Variants in ST3GAL1 observed in about 807,000 individuals in gnomAD.
ST3GAL1 encodes the protein CMP-N-acetylneuraminate-beta-galactosamide-alpha-2,3-sialyltransferase 1.
A neutral mutation model predicts 34.1 loss-of-function variants in ST3GAL1; 16 were observed. That is an observed-to-expected ratio of 0.47 (90% CI 0.32 to 0.71). The LOEUF is 0.71. ST3GAL1 is among the 30% of genes least tolerant of loss of function. The pLI is 0.04. For missense variants in ST3GAL1, 353 were observed against 447.4 expected (o/e 0.79, Z 1.90); for synonymous variants, 191 against 184.7 (o/e 1.03, Z -0.28).
At chr8:133,566,225 A>G (rs1394965172) in intron 1 of ST3GAL1, among the ~76,000 whole-genome samples, 1 of 152,218 alleles carries the variant, frequency 6.6e-6, no homozygotes, top group African/African-American at 2.4e-5. Context: ...CACAACCCAT[A>G]GGAATGAGAG....
rs969063081 is a variant in ST3GAL1, at chr8:133,570,300, C to G, written c.-582+1393G>C. The G allele has an allele frequency of 3.9e-5, 6 of 152,290 alleles. No homozygotes were observed. The highest frequency in any genetic ancestry group is 1.4e-4 in the African/African-American group (6 of 41,480). 9.4% of individuals were successfully genotyped at this position (152,290 alleles called of 1,614,324 possible). A position where few individuals can be genotyped will look rare whatever the true frequency, so the allele number is the denominator to read the frequency against. ...GAGGCCAGGGGTGCCCGGAAACAAT[C>G]ACGAGAAAGCCGGGCGAATGCCTGA... On this transcript the variant is annotated intron_variant, in intron 1 of 9. Transcript: ENST00000522652. The surrounding 1 kb of genome is among the most constrained non-coding windows in gnomAD (Gnocchi z 5.6).
At chr8:133,497,534 A>G (rs893989197) in intron 3 of ST3GAL1, among the ~76,000 whole-genome samples, 1 of 130,530 alleles carries the variant, frequency 7.7e-6, no homozygotes, top group Non-Finnish European at 1.5e-5. Flanking sequence ...GCACGGGCGC[A>G]ATCTCGGCTA....
At chr8:133,518,540 A>C (rs1232986424) in intron 2 of ST3GAL1, among the ~76,000 whole-genome samples, 1 of 152,250 alleles carries the variant, frequency 6.6e-6, no homozygotes, top group East Asian at 1.9e-4. Flanking sequence ...AATCTTATCC[A>C]GCGAGACTGA....
intron 2 of ST3GAL1, among the ~76,000 whole-genome samples, chr8:133,520,426 A>G (rs1817769510): frequency 1.3e-5 from 2 of 152,278 alleles, no homozygotes; most frequent in South Asian, 2.1e-4. Context: ...TCCACTTTCA[A>G]CTGAAACAAT....
At chr8:133,539,982 A>G (rs1372578942) in intron 2 of ST3GAL1, among the ~76,000 whole-genome samples, 2 of 152,226 alleles carry the variant, frequency 1.3e-5, no homozygotes, top group South Asian at 4.1e-4. Flanking sequence ...TTTTACCTCC[A>G]GTGCTCAGCC....
Position 133,475,868 on chromosome 8 carries a change from G to A in ST3GAL1, c.157C>T (p.Leu53=), listed in dbSNP as rs2130944439. 1 of 1,614,134 alleles carries A rather than the reference G, an allele frequency of 6.2e-7. No homozygotes were observed. Among genetic ancestry groups the A allele is most frequent in the Non-Finnish European group, 8.5e-7 (1 of 1,180,020 alleles). ...CAGGTGCAAGGCCTGTGCTTGATCA[G>A]TCTCTTCAGGTTCTCGGAGAGCTCC... ...VLELSENLKR[L]IKHRPCTCTH... is the part of the protein sequence containing the mutation. Residue 53 remains leucine (L), a synonymous_variant, in exon 5 of 10, where the codon CTG becomes TTG. Transcript: ENST00000522652.
intron 5 of ST3GAL1, among the ~76,000 whole-genome samples, chr8:133,470,391 C>G (rs1466541738): frequency 6.6e-6 from 1 of 151,830 alleles, no homozygotes; most frequent in Non-Finnish European, 1.5e-5. Context: ...TGCACTCCAG[C>G]CTGGGCAACA....
intron 1 of ST3GAL1, among the ~76,000 whole-genome samples, chr8:133,554,086 T>C (rs1436682428): frequency 2.0e-5 from 3 of 152,198 alleles, no homozygotes; most frequent in Non-Finnish European, 2.9e-5. Flanking sequence ...CTGATTCTCA[T>C]CAAAGGTGGA....
In ST3GAL1 at chr8:133,475,767, C is replaced by T. The variant is rs1207575337; in HGVS notation, c.258G>A (p.Leu86=). Residue 86 remains leucine, a synonymous_variant, in exon 5 of 10, where the codon CTG becomes CTA. Coordinates refer to ENST00000522652, the MANE Select transcript of ST3GAL1 (RefSeq NM_173344.3). ...CCTCCAAGAGCGCGTTCTGGGCGGT[C>T]AGCAGCGGCTGCATGGTCTGGTTGA... The part of the protein sequence containing the change: ...ERFNQTMQPL[L]TAQNALLEDD... 2.5e-6 allele frequency: 4 copies of T among 1,612,812 alleles called. No homozygotes were observed. The highest frequency in any genetic ancestry group is 2.5e-6 in the Non-Finnish European group (3 of 1,179,386).
chr8:133,496,649 C>A (rs1480185872), intron 3 of ST3GAL1, among the ~76,000 whole-genome samples: 1 of 152,170 alleles, frequency 6.6e-6, no homozygotes, highest in Non-Finnish European at 1.5e-5. Flanking sequence ...ACCACAGCAC[C>A]TGAGGAGACA....
chr8:133,465,936 G>C lies in ST3GAL1; in HGVS notation c.461C>G (p.Ser154Cys). ...VVGNSGNLRE[S>C]SYGPEIDSHD... ...ACTGTCTATCTCAGGCCCATAAGAA[G>C]ACTCCCTCAGGTTGCCCGAGTTGCC... The change falls in exon 6 of 10, where the codon TCT becomes TGT. Residue 154 changes from serine (S) to cysteine (C), a missense_variant. Physicochemically the swap from Ser to Cys is moderately radical, Grantham distance 112. Coordinates refer to ENST00000522652, the MANE Select transcript of ST3GAL1 (RefSeq NM_173344.3). 6.2e-7 allele frequency: 1 copy of C among 1,614,130 alleles called. No individual in the cohort carries two copies. Among genetic ancestry groups the C allele is most frequent in the Middle Eastern group, 1.6e-4 (1 of 6,062 alleles).
At chr8:133,555,711 C>T (rs1421101343) in intron 1 of ST3GAL1, among the ~76,000 whole-genome samples, 2 of 152,180 alleles carry the variant, frequency 1.3e-5, no homozygotes, top group Non-Finnish European at 2.9e-5. Context: ...CCTCCAATCA[C>T]AGGAGTCGGC....
chr8:133,520,419 A>T (rs1817769294), intron 2 of ST3GAL1, among the ~76,000 whole-genome samples: 1 of 152,134 alleles, frequency 6.6e-6, no homozygotes, highest in Non-Finnish European at 1.5e-5. Context: ...TAGTTGTTCC[A>T]CTTTCAACTG....
At chr8:133,491,227 A>C (rs1005423523) in intron 3 of ST3GAL1, among the ~76,000 whole-genome samples, 1 of 152,124 alleles carries the variant, frequency 6.6e-6, no homozygotes, top group Admixed American at 6.5e-5. Context: ...TTAAATCCAC[A>C]AATCTTCTTA....
intron 3 of ST3GAL1, among the ~76,000 whole-genome samples, chr8:133,486,453 C>G (rs1022163104): frequency 1.3e-5 from 2 of 152,196 alleles, no homozygotes; most frequent in African/African-American, 4.8e-5. Context: ...GCTCTCATGG[C>G]CGAGCCAGGC....
At chr8:133,569,762 C>A (rs1819509932) in intron 1 of ST3GAL1, among the ~76,000 whole-genome samples, 1 of 152,124 alleles carries the variant, frequency 6.6e-6, no homozygotes, top group Admixed American at 6.5e-5. Context: ...CAGAGACAAG[C>A]GGCAGTTTCC....
rs559516277 is a variant in ST3GAL1 at position 133,548,219 on chromosome 8, C to T, written c.-581-2293G>A. On this transcript the variant is annotated intron_variant, in intron 1 of 9. Transcript: ENST00000522652. ...TCCTAGCCAGTCTTAAAATAGCCATCGCCTCTAATGCCAACTCCCTCTCTT... is the reference window on the plus strand; with the variant it reads ...TCCTAGCCAGTCTTAAAATAGCCATTGCCTCTAATGCCAACTCCCTCTCTT... Among the ~76,000 whole-genome samples the T allele has an allele frequency of 5.9e-5, 9 of 152,294 alleles. No individual in the cohort carries two copies. The South Asian group carries it at 6.2e-4, about 11-fold the overall frequency.
intron 1 of ST3GAL1, among the ~76,000 whole-genome samples, chr8:133,562,037 T>C (rs1819239479): frequency 2.0e-5 from 3 of 151,650 alleles, no homozygotes; most frequent in Non-Finnish European, 1.5e-5. Flanking sequence ...GCCAAGATCA[T>C]ATACTGCACT....
intron 2 of ST3GAL1, among the ~76,000 whole-genome samples, chr8:133,538,070 C>T (rs963345317): frequency 2.0e-5 from 3 of 152,148 alleles, no homozygotes; most frequent in African/African-American, 7.2e-5. Flanking sequence ...GGAGGGCTTC[C>T]GAAAGATCTC....
Sources: gnomAD v4.1 joint callset for allele counts (sites outside exome capture counted in the v4.1 genomes callset) on GRCh38, gnomAD v4.1.1 for gene constraint, Gnocchi (gnomAD v3.1) non-coding constraint, MANE v1.5 for transcripts, NCBI Gene and HGNC (gene_info 2026-07-23, HGNC 2026-07-21) for gene names.